Variants in SLC35G2 observed in about 807,000 individuals in gnomAD.
SLC35G2 encodes the protein transmembrane protein 22.
In SLC35G2, 20 loss-of-function variants were observed where a neutral mutation model predicts 27.2. That is an observed-to-expected ratio of 0.74 (90% CI 0.52 to 1.07). The LOEUF (loss-of-function observed/expected upper bound fraction) is 1.07, where lower values mean the gene tolerates loss of function less well. Among genes scored for constraint, SLC35G2 ranks in the 50% least tolerant of loss-of-function variants. SLC35G2 has a pLI of 0.00. For missense variants in SLC35G2, 416 were observed against 493.3 expected (o/e 0.84, Z 1.48); for synonymous variants, 148 against 165.3 (o/e 0.90, Z 0.80).
Position 136,844,359 on chromosome 3 carries a change from C to T in SLC35G2, c.-18-10084C>T, listed in dbSNP as rs199818046. On this transcript the variant is annotated intron_variant, in intron 1 of 1. Coordinates refer to ENST00000446465, the MANE Select transcript of SLC35G2 (RefSeq NM_025246.3). Reference sequence around the variant, plus strand: ...AAAAAATTAGCTGGGTGTGGTGGCACGCGCCTGTAGTTCCAGCTACTCGGG... The same window carrying T: ...AAAAAATTAGCTGGGTGTGGTGGCATGCGCCTGTAGTTCCAGCTACTCGGG... Among the ~76,000 whole-genome samples the T allele has an allele frequency of 5.3e-5, 8 of 151,366 alleles. No homozygotes were observed. In the East Asian group the frequency reaches 1.2e-3, roughly 22 times the overall value.
intron 1 of SLC35G2, chr3:136,841,849 C>T (rs1293135701): frequency 6.6e-6 from 1 of 152,056 alleles, no homozygotes; most frequent in Non-Finnish European, 1.5e-5. Flanking sequence ...CATCAGACAG[C>T]CATGTCCACA....
At chr3:136,848,013 G>T (rs1937470157) in intron 1 of SLC35G2, among the ~76,000 whole-genome samples, 1 of 152,080 alleles carries the variant, frequency 6.6e-6, no homozygotes, top group African/African-American at 2.4e-5. Flanking sequence ...GAAAGAACTG[G>T]TTAGAACCCC....
chr3:136,848,470 TTAGG>T (rs745544072), intron 1 of SLC35G2, among the ~76,000 whole-genome samples: 3 of 151,838 alleles, frequency 2.0e-5, no homozygotes, highest in Non-Finnish European at 4.4e-5. Context: ...AATACAAAAA[TTAGG>T]TAGGCGTGAT....
At chr3:136,842,033 T>G (rs904401537) in intron 1 of SLC35G2, 1 of 152,178 alleles carries the variant, frequency 6.6e-6, no homozygotes, top group Admixed American at 6.5e-5. Context: ...TTCTGATAAA[T>G]ATTCAGATGA....
intron 1 of SLC35G2, among the ~76,000 whole-genome samples, chr3:136,830,506 A>G (rs977998188): frequency 6.6e-6 from 1 of 152,072 alleles, no homozygotes; most frequent in South Asian, 2.1e-4. Context: ...GATGGTCTCA[A>G]TCTCCTGACC....
At chr3:136,852,487 TTTTC>T (rs1031334472) in intron 1 of SLC35G2, among the ~76,000 whole-genome samples, 6 of 151,960 alleles carry the variant, frequency 3.9e-5, no homozygotes, top group East Asian at 1.9e-4. Flanking sequence ...AAAAGATTTT[TTTTC>T]TTTTTCTTTT....
At chr3:136,850,915 G>A (rs1247625391) in intron 1 of SLC35G2, among the ~76,000 whole-genome samples, 1 of 152,066 alleles carries the variant, frequency 6.6e-6, no homozygotes, top group African/African-American at 2.4e-5. Context: ...AGCCCTGGAG[G>A]TCGAGGCTGC....
chr3:136,855,492 A>G lies in SLC35G2; in HGVS notation c.1032A>G (p.Pro344=), dbSNP rs142350008. Residue 344 remains proline (P), a synonymous_variant, in exon 2 of 2, where the codon CCA becomes CCG. Coordinates refer to ENST00000446465, the MANE Select transcript of SLC35G2 (RefSeq NM_025246.3). Reference sequence around the variant, plus strand: ...ATTATGCCTTGGACAAATTCCATCCAGCTTTGGTTAGCACAGTACAACATT... The same window carrying G: ...ATTATGCCTTGGACAAATTCCATCCGGCTTTGGTTAGCACAGTACAACATT... ...GVYYALDKFH[P]ALVSTVQHLE... is the part of the protein sequence containing the mutation. 1.0e-4 allele frequency: 169 copies of G among 1,614,056 alleles called. No homozygotes were observed. The highest frequency in any genetic ancestry group is 1.3e-4 in the Non-Finnish European group (157 of 1,180,006).
At chr3:136,835,178 G>A (rs1936831652) in intron 1 of SLC35G2, among the ~76,000 whole-genome samples, 1 of 151,950 alleles carries the variant, frequency 6.6e-6, no homozygotes, top group South Asian at 2.1e-4. Context: ...TCTTACTTTT[G>A]GTCTAGAATC....
intron 1 of SLC35G2, among the ~76,000 whole-genome samples, chr3:136,827,580 G>T (rs969182587): frequency 3.3e-5 from 5 of 151,924 alleles, no homozygotes; most frequent in Non-Finnish European, 7.4e-5. Context: ...CTCTTTTTTT[G>T]ATGTAGGCAT....
At chr3:136,850,917 C>A (rs1283251002) in intron 1 of SLC35G2, among the ~76,000 whole-genome samples, 1 of 151,908 alleles carries the variant, frequency 6.6e-6, no homozygotes, top group Non-Finnish European at 1.5e-5. Flanking sequence ...CCCTGGAGGT[C>A]GAGGCTGCAG....
intron 1 of SLC35G2, among the ~76,000 whole-genome samples, chr3:136,845,816 G>C (rs1168391469): frequency 6.6e-6 from 1 of 151,350 alleles, no homozygotes; most frequent in East Asian, 1.9e-4. Context: ...GGATGGTCTT[G>C]ATCTCTTGAC....
rs75968132 is a variant in SLC35G2 at position 136,845,895 on chromosome 3, TA to T, written c.-18-8531del. Among the ~76,000 whole-genome samples the T allele has an allele frequency of 6.9e-3, 950 of 136,860 alleles. 2 individuals are homozygous for T. The highest frequency in any genetic ancestry group is 0.011 in the Middle Eastern group (3 of 280). The allele number at this position is 136,860 out of a possible 152,430, so 89.8% of individuals were successfully genotyped here. On this transcript the variant is annotated intron_variant, in intron 1 of 1. Coordinates refer to ENST00000446465, the MANE Select transcript of SLC35G2 (RefSeq NM_025246.3). ...GGGCGTGAGCCACCGCACCCGGCCG[TA>T]AAAAAAAAAAAAAAAATTATGGTTA...
intron 1 of SLC35G2, among the ~76,000 whole-genome samples, chr3:136,835,708 C>A (rs933832937): frequency 3.3e-5 from 5 of 152,072 alleles, no homozygotes; most frequent in African/African-American, 1.2e-4. Context: ...AGTTGGGATT[C>A]TATTGTACAG....
chr3:136,841,000 GT>G (rs1035281680), intron 1 of SLC35G2, among the ~76,000 whole-genome samples: 26 of 103,924 alleles, frequency 2.5e-4, no homozygotes, highest in Admixed American at 2.1e-4. Context: ...ATGCGATTTT[GT>G]TTTTTTTTTT....
intron 1 of SLC35G2, chr3:136,820,247 C>T (rs1046923139): frequency 6.6e-6 from 1 of 152,122 alleles, no homozygotes; most frequent in African/African-American, 2.4e-5. Flanking sequence ...CTGGGGGTAG[C>T]TCCGGAGGAG....
intron 1 of SLC35G2, among the ~76,000 whole-genome samples, chr3:136,823,996 G>C (rs1936523788): frequency 6.6e-6 from 1 of 152,066 alleles, no homozygotes; most frequent in African/African-American, 2.4e-5. Flanking sequence ...TCCAGTGTAT[G>C]TTCCTGGCAC....
chr3:136,855,488 A>G lies in SLC35G2; in HGVS notation c.1028A>G (p.His343Arg). ...LGVYYALDKF[H>R]PALVSTVQHL... Reference sequence around the variant, plus strand: ...GTTTATTATGCCTTGGACAAATTCCATCCAGCTTTGGTTAGCACAGTACAA... The same window carrying G: ...GTTTATTATGCCTTGGACAAATTCCGTCCAGCTTTGGTTAGCACAGTACAA... The change falls in exon 2 of 2, where the codon CAT (histidine) becomes CGT (arginine). Residue 343 changes from histidine to arginine, a missense_variant. Coordinates refer to ENST00000446465, the MANE Select transcript of SLC35G2 (RefSeq NM_025246.3). The G allele has an allele frequency of 1.2e-6, 2 of 1,614,160 alleles. No homozygotes were observed. Among genetic ancestry groups the G allele is most frequent in the African/African-American group, 1.3e-5 (1 of 75,048 alleles).
intron 1 of SLC35G2, among the ~76,000 whole-genome samples, chr3:136,826,196 C>G (rs1936581404): frequency 6.6e-6 from 1 of 151,950 alleles, no homozygotes; most frequent in Non-Finnish European, 1.5e-5. Context: ...GCCACAATGC[C>G]CGGCTAATTT....
Sources: allele counts gnomAD v4.1 joint callset (sites outside exome capture counted in the v4.1 genomes callset), GRCh38; gene constraint gnomAD v4.1.1; transcripts MANE v1.5; gene names NCBI Gene and HGNC (gene_info 2026-07-23, HGNC 2026-07-21).